GAL3ST4: variants seen among roughly 807,000 people sequenced by gnomAD.
GAL3ST4 encodes the protein beta-galactose-3-O-sulfotransferase 4.
In GAL3ST4, 30 loss-of-function variants were observed where a neutral mutation model predicts 31.6. The ratio of observed to expected loss-of-function variants is 0.95; its 90% CI spans 0.71 to 1.29. GAL3ST4 has a LOEUF of 1.29. Ranked by LOEUF, GAL3ST4 falls within the 50% of genes most tolerant of loss-of-function variation. GAL3ST4 has a pLI of 0.00. For missense variants in GAL3ST4, 629 were observed against 625.2 expected, an observed-to-expected ratio of 1.01 and a Z score of -0.06; for synonymous variants, 248 against 256.9, an observed-to-expected ratio of 0.97 and a Z score of 0.33.
chr7:100,161,580 G>T (rs984869534), intron 3 of GAL3ST4, among the ~76,000 whole-genome samples: 17 of 151,854 alleles, frequency 1.1e-4, no homozygotes, highest in Non-Finnish European at 2.2e-4. Context: ...GAGCCCAGGA[G>T]GCGGAGGTTG....
rs1341816270 is a variant in GAL3ST4 at position 100,160,871 on chromosome 7, T to A, written c.518A>T (p.Lys173Ile). The part of the protein sequence containing the change: ...ALARSAFSYY[K>I]STSSAFRKSP... ...CTTGCGGAAGGCTGATGAGGTGGATTTATAGTAGGAGAAGGCAGAGCGAGC... is the reference window on the plus strand; with the variant it reads ...CTTGCGGAAGGCTGATGAGGTGGATATATAGTAGGAGAAGGCAGAGCGAGC... The change falls in exon 4 of 4, where the codon AAA becomes ATA. Residue 173 changes from lysine to isoleucine, a missense_variant. Physicochemically the swap from Lys to Ile is moderately radical, Grantham distance 102 (BLOSUM62 -3). Coordinates refer to ENST00000360039, the MANE Select transcript of GAL3ST4 (RefSeq NM_024637.5). 23 of 1,613,956 alleles carry A rather than the reference T, an allele frequency of 1.4e-5. No individual in the cohort carries two copies. The highest frequency in any genetic ancestry group is 1.9e-5 in the Non-Finnish European group (23 of 1,180,016).
At position 100,168,001 on chromosome 7, in the gene GAL3ST4, G is replaced by GACACACACACACACACACACAC. The variant is rs1425916844; in HGVS notation, c.-189+544_-189+545insGTGTGTGTGTGTGTGTGTGTGT. The GACACACACACACACACACACAC allele has an allele frequency of 8.6e-6, 1 of 116,166 alleles. No individual in the cohort carries two copies. Among genetic ancestry groups the GACACACACACACACACACACAC allele is most frequent in the African/African-American group, 3.5e-5 (1 of 28,600 alleles). The allele number at this position is 116,166 out of a possible 1,614,324, so 7.2% of individuals were successfully genotyped here. A position where few individuals can be genotyped will look rare whatever the true frequency, so the allele number is the denominator to read the frequency against. On this transcript the variant is annotated intron_variant, in intron 1 of 3. Transcript: ENST00000360039. This position sits in a 1 kb window ranked among gnomAD's most constrained non-coding sequence, Gnocchi z 4.1. Reference sequence around the variant, plus strand: ...GGCTGGAGAGGGAGACAGAAAGAGAGAGAGACACACACACACACACACACA... The same window carrying GACACACACACACACACACACAC: ...GGCTGGAGAGGGAGACAGAAAGAGAGACACACACACACACACACACACAGAGACACACACACACACACACACA...
chr7:100,163,631 C>T (rs1799034864), intron 3 of GAL3ST4, among the ~76,000 whole-genome samples: 1 of 152,152 alleles, frequency 6.6e-6, no homozygotes, highest in Non-Finnish European at 1.5e-5. Flanking sequence ...AACTCCTGGG[C>T]TCAAGGGATT....
chr7:100,162,544 CAAA>C (rs535834382), intron 3 of GAL3ST4, among the ~76,000 whole-genome samples: 5 of 71,620 alleles, frequency 7.0e-5, no homozygotes, highest in Non-Finnish European at 1.1e-4. Context: ...GACTCTGTCT[CAAA>C]AAAAAAAAAA....
rs1798984824 is a variant in GAL3ST4, at chr7:100,160,596, T to C, written c.793A>G (p.Thr265Ala). The C allele has an allele frequency of 3.1e-6, 5 of 1,613,314 alleles. No individual in the cohort carries two copies. The East Asian group carries it at 8.9e-5, about 29-fold the overall frequency. The change falls in exon 4 of 4, where the codon ACT becomes GCT. Residue 265 changes from threonine to alanine, a missense_variant. Physicochemically the swap from Thr to Ala is moderately conservative, Grantham distance 58. Coordinates refer to ENST00000360039, the MANE Select transcript of GAL3ST4 (RefSeq NM_024637.5). Reference sequence around the variant, plus strand: ...ATCTGGCTGCGATGATCAGTAACAGTGGAAACAGGATGGATGAGGGCATTG... The same window carrying C: ...ATCTGGCTGCGATGATCAGTAACAGCGGAAACAGGATGGATGAGGGCATTG... Reference protein sequence around the residue: ...NPNALIHPVSTVTDHRSQISS... With the variant: ...NPNALIHPVSAVTDHRSQISS...
chr7:100,160,156 A>G lies in GAL3ST4; in HGVS notation c.1233T>C (p.Gly411=). Residue 411 remains glycine, a synonymous_variant, in exon 4 of 4, where the codon GGT becomes GGC. Coordinates refer to ENST00000360039, the MANE Select transcript of GAL3ST4 (RefSeq NM_024637.5). The part of the protein sequence containing the change: ...EALAKHCLVG[G]EASDPKYITD... ...TGATGTATTTGGGGTCAGAAGCCTCACCCCCTACCAGACAATGTTTCGCTA... is the reference window on the plus strand; with the variant it reads ...TGATGTATTTGGGGTCAGAAGCCTCGCCCCCTACCAGACAATGTTTCGCTA... The G allele has an allele frequency of 7.4e-6, 12 of 1,613,284 alleles. No homozygotes were observed. Among genetic ancestry groups the G allele is most frequent in the African/African-American group, 6.7e-5 (5 of 74,846 alleles).
At position 100,166,665 on chromosome 7, in the gene GAL3ST4, T is replaced by A. The variant is rs763697691; in HGVS notation, c.266A>T (p.Tyr89Phe). 3.1e-6 allele frequency: 5 copies of A among 1,614,146 alleles called. No individual in the cohort carries two copies. The highest frequency in any genetic ancestry group is 2.2e-5 in the East Asian group (1 of 44,872). The change falls in exon 3 of 4, where the codon TAT (tyrosine) becomes TTT (phenylalanine). Residue 89 changes from tyrosine (Y) to phenylalanine (F), a missense_variant. Coordinates refer to ENST00000360039, the MANE Select transcript of GAL3ST4 (RefSeq NM_024637.5). ...GAAGCGCAGCCCGTGCTGGTCCCCA[T>A]AGCGGTGAAGCAGGCTCAGCACAGA... ...SSSVLSLLHR[Y>F]GDQHGLRFAL...
chr7:100,160,744 G>T lies in GAL3ST4; in HGVS notation c.645C>A (p.Gly215=). 6.2e-7 allele frequency: 1 copy of T among 1,614,124 alleles called. No homozygotes were observed. Residue 215 remains glycine, a synonymous_variant, in exon 4 of 4, where the codon GGC becomes GGA. Transcript: ENST00000360039. ...CCCTCTTCTCTGGGGGAAAGGGCAGGCCAAAGTCAAACCATAGTAAGTTGC... is the reference window on the plus strand; with the variant it reads ...CCCTCTTCTCTGGGGGAAAGGGCAGTCCAAAGTCAAACCATAGTAAGTTGC... ...YARNLLWFDF[G]LPFPPEKRAK... is the part of the protein sequence containing the mutation.
At position 100,159,684 on chromosome 7, in the gene GAL3ST4, C is replaced by T. The variant is rs912437528; in HGVS notation, c.*244G>A. 4.9e-5 allele frequency: 21 copies of T among 430,220 alleles called. No individual in the cohort carries two copies. The highest frequency in any genetic ancestry group is 4.3e-4 in the African/African-American group (21 of 49,396). 26.7% of individuals were successfully genotyped at this position (430,220 alleles called of 1,614,324 possible). On this transcript the variant is annotated 3_prime_UTR_variant, in exon 4 of 4. Coordinates refer to ENST00000360039, the MANE Select transcript of GAL3ST4 (RefSeq NM_024637.5). ...GCAGTGAGCCGAGATCATGCCACTG[C>T]ACTCCAGCCTGGGGGACAGAGCAAG...
At chr7:100,161,357 A>T (rs957603909) in intron 3 of GAL3ST4, among the ~76,000 whole-genome samples, 1 of 152,022 alleles carries the variant, frequency 6.6e-6, no homozygotes, top group Non-Finnish European at 1.5e-5. Context: ...CTACAAAAAT[A>T]AAACTAAAAA....
At chr7:100,162,660 T>G (rs1584624831) in intron 3 of GAL3ST4, among the ~76,000 whole-genome samples, 2 of 93,396 alleles carry the variant, frequency 2.1e-5, no homozygotes, top group African/African-American at 4.4e-5. Context: ...AGGAGAGGCT[T>G]GTCGGGGTCA....
intron 3 of GAL3ST4, among the ~76,000 whole-genome samples, chr7:100,161,754 T>C (rs751056000): frequency 4.6e-5 from 7 of 151,134 alleles, no homozygotes; most frequent in Non-Finnish European, 7.4e-5. Context: ...TATGCAGCCA[T>C]AGAAAAGAAT....
In GAL3ST4 at chr7:100,166,566, T is replaced by G. The variant is rs2116974932; in HGVS notation, c.365A>C (p.Gln122Pro). Residue 122 changes from glutamine to proline, a missense_variant, in exon 3 of 4, where the codon CAG becomes CCG. By Grantham distance (76) the Gln-to-Pro change is moderately conservative. Transcript: ENST00000360039. ...QASRVKGYRP[Q>P]GGGTQLPFHI... ...GAAGGGGAGCTGGGTGCCTCCACCC[T>G]GTGGGCGGTAGCCTTTTACCCTAGA... is the stretch of plus-strand genomic sequence containing the variant. 2 of 1,614,172 alleles carry G rather than the reference T, an allele frequency of 1.2e-6. No homozygotes were observed. The highest frequency in any genetic ancestry group is 4.5e-5 in the East Asian group (2 of 44,876).
intron 3 of GAL3ST4, among the ~76,000 whole-genome samples, chr7:100,164,824 A>C (rs1799048806): frequency 2.0e-5 from 3 of 151,486 alleles, no homozygotes; most frequent in Admixed American, 2.0e-4. Flanking sequence ...CCTGGGCTCA[A>C]CTTCCAGCTC....
At chr7:100,165,064 C>T (rs373182789) in intron 3 of GAL3ST4, among the ~76,000 whole-genome samples, 5 of 151,862 alleles carry the variant, frequency 3.3e-5, no homozygotes, top group Non-Finnish European at 2.9e-5. Context: ...TTAGTAGAAA[C>T]GGGGTTTCAC....
Position 100,168,031 on chromosome 7 carries a change from C to CACACACACACAG in GAL3ST4, c.-189+514_-189+515insCTGTGTGTGTGT, listed in dbSNP as rs1056620049. On this transcript the variant is annotated intron_variant, in intron 1 of 3. Transcript: ENST00000360039. This position sits in a 1 kb window ranked among gnomAD's most constrained non-coding sequence, Gnocchi z 4.1. Reference sequence around the variant, plus strand: ...ACACACACACACACACACACACACACAGAGAAACAGAGAGAGAGAGACAGA... The same window carrying CACACACACACAG: ...ACACACACACACACACACACACACACACACACACACAGAGAGAAACAGAGAGAGAGAGACAGA... 1 of 142,872 alleles carries CACACACACACAG rather than the reference C, an allele frequency of 7.0e-6. No homozygotes were observed. The highest frequency in any genetic ancestry group is 2.5e-5 in the African/African-American group (1 of 40,738). 8.9% of individuals were successfully genotyped at this position (142,872 alleles called of 1,614,324 possible).
At position 100,166,724 on chromosome 7, in the gene GAL3ST4, C is replaced by G; in HGVS notation, c.207G>C (p.Leu69=). The G allele has an allele frequency of 6.2e-7, 1 of 1,614,076 alleles. No individual in the cohort carries two copies. Among genetic ancestry groups the G allele is most frequent in the Non-Finnish European group, 8.5e-7 (1 of 1,179,984 alleles). The part of the protein sequence containing the change: ...ALPSCPPRQR[L]VFLKTHKSGS... ...CGGATTTATGTGTCTTCAGGAACACCAGTCGCTGCCGGGGTGGGCAGGACG... is the reference window on the plus strand; with the variant it reads ...CGGATTTATGTGTCTTCAGGAACACGAGTCGCTGCCGGGGTGGGCAGGACG... The change falls in exon 3 of 4, where the codon CTG becomes CTC. Residue 69 remains leucine, a synonymous_variant. Coordinates refer to ENST00000360039, the MANE Select transcript of GAL3ST4 (RefSeq NM_024637.5).
At chr7:100,163,539 T>A (rs1799033891) in intron 3 of GAL3ST4, among the ~76,000 whole-genome samples, 1 of 151,878 alleles carries the variant, frequency 6.6e-6, no homozygotes, top group Non-Finnish European at 1.5e-5. Context: ...CAGTGTTTAT[T>A]TTCTTCTTAC....
At chr7:100,162,878 GGAAAAAAAAGAAAAA>G (rs1799022811) in intron 3 of GAL3ST4, among the ~76,000 whole-genome samples, 1 of 151,508 alleles carries the variant, frequency 6.6e-6, no homozygotes, top group Admixed American at 6.6e-5. Context: ...GAAAAGGAAG[GGAAAAAAAAGAAAAA>G]GAAAAAAAAA....
Sources: gnomAD v4.1 joint callset for allele counts (sites outside exome capture counted in the v4.1 genomes callset) on GRCh38, gnomAD v4.1.1 for gene constraint, Gnocchi (gnomAD v3.1) non-coding constraint, MANE v1.5 for transcripts, NCBI Gene and HGNC (gene_info 2026-07-23, HGNC 2026-07-21) for gene names.